Variants in GFRA2 observed in about 807,000 individuals in gnomAD.
GFRA2 encodes GDNF family receptor alpha 2.
Under a neutral mutation model 48.3 loss-of-function variants are expected in GFRA2, and 17 were observed. The ratio of observed to expected loss-of-function variants is 0.35; its 90% CI spans 0.24 to 0.53. The LOEUF (loss-of-function observed/expected upper bound fraction) is 0.53, where lower values mean the gene tolerates loss of function less well. Ranked by LOEUF, GFRA2 falls within the 20% of genes least tolerant of loss-of-function variation. The probability of loss-of-function intolerance (pLI) is 0.93; values close to 1 mark genes in which losing one functional copy is unlikely to be tolerated. For missense variants in GFRA2, 660 were observed against 637.3 expected (o/e 1.04, Z -0.38); for synonymous variants, 305 against 257.2 (o/e 1.19, Z -1.78).
chr8:21,737,379 A>AT (rs940310327), intron 4 of GFRA2, among the ~76,000 whole-genome samples: 2 of 151,330 alleles, frequency 1.3e-5, no homozygotes, highest in Non-Finnish European at 2.9e-5. Flanking sequence ...AAAAAAAAAA[A>AT]GGGGTGGTGT....
At chr8:21,803,757 C>T (rs1323645865) in intron 2 of GFRA2, among the ~76,000 whole-genome samples, 1 of 152,180 alleles carries the variant, frequency 6.6e-6, no homozygotes, top group African/African-American at 2.4e-5. Flanking sequence ...TTCAGCCTCC[C>T]AAGTAGCTGG....
At chr8:21,791,690 T>A (rs934524201), upstream of GFRA2, among the ~76,000 whole-genome samples, 10 of 152,268 alleles carry the variant, frequency 6.6e-5, no homozygotes, top group East Asian at 1.9e-3. Flanking sequence ...AGAAATTACA[T>A]AAGATACTAC....
At chr8:21,769,678 C>T (rs2117685877) in intron 3 of GFRA2, among the ~76,000 whole-genome samples, 1 of 151,824 alleles carries the variant, frequency 6.6e-6, no homozygotes, top group South Asian at 2.1e-4. Flanking sequence ...CACACACACG[C>T]AGAGGGTGAT....
chr8:21,750,859 T>C lies in GFRA2; in HGVS notation c.523A>G (p.Lys175Glu). 1.2e-6 allele frequency: 2 copies of C among 1,613,802 alleles called. No individual in the cohort carries two copies. The highest frequency in any genetic ancestry group is 1.7e-6 in the Non-Finnish European group (2 of 1,179,850). ...GAGATGTAGGAGGAGCGCAGCTTCT[T>C]GCAGTTGTCATTCAGGTTGCAGGCC... Reference protein sequence around the residue: ...AKACNLNDNCKKLRSSYISIC... With the variant: ...AKACNLNDNCEKLRSSYISIC... Residue 175 changes from lysine to glutamate, a missense_variant, in exon 4 of 9, where the codon AAG becomes GAG. By Grantham distance (56) the Lys-to-Glu change is moderately conservative (BLOSUM62 1). Transcript: ENST00000524240. The surrounding 1 kb of genome is among the most constrained non-coding windows in gnomAD (Gnocchi z 5.7).
chr8:21,806,496 G>C (rs780525660), intron 1 of GFRA2, among the ~76,000 whole-genome samples: 22 of 152,156 alleles, frequency 1.4e-4, no homozygotes, highest in Non-Finnish European at 3.2e-4. Flanking sequence ...ATAGTGTCTT[G>C]CTCTTGTCAC....
intron 1 of GFRA2, among the ~76,000 whole-genome samples, chr8:21,810,704 G>A (rs192458237): frequency 1.3e-5 from 2 of 152,284 alleles, no homozygotes; most frequent in Admixed American, 1.3e-4. Flanking sequence ...CAGGTACAGA[G>A]CCTGAATTCT....
intron 1 of GFRA2, among the ~76,000 whole-genome samples, chr8:21,784,911 GC>G (rs1160234377): frequency 2.6e-5 from 4 of 152,110 alleles, no homozygotes; most frequent in South Asian, 4.1e-4. Flanking sequence ...GTACAGCCGG[GC>G]CCCCCAAGAG....
At position 21,774,747 on chromosome 8, in the gene GFRA2, G is replaced by A. The variant is rs1806610388; in HGVS notation, c.439+225C>T. Among the ~76,000 whole-genome samples, 9 of 152,300 alleles carry A rather than the reference G, an allele frequency of 5.9e-5. No homozygotes were observed. In the South Asian group the frequency reaches 1.9e-3, roughly 32 times the overall value. The stretch of plus-strand genomic sequence containing the variant: ...AAGCCCTACTCCATGACAGCCACCT[G>A]GCCAGGCAATTTCCACCAACGCCTT... On this transcript the variant is annotated intron_variant, in intron 3 of 8. Coordinates refer to ENST00000524240, the MANE Select transcript of GFRA2 (RefSeq NM_001495.5).
At chr8:21,786,181 C>T (rs928460676) in intron 1 of GFRA2, among the ~76,000 whole-genome samples, 1 of 152,204 alleles carries the variant, frequency 6.6e-6, no homozygotes, top group African/African-American at 2.4e-5. Flanking sequence ...GGTTGGGCCT[C>T]TCTGGTCATC....
chr8:21,698,510 G>C (rs560888240), intron 7 of GFRA2, among the ~76,000 whole-genome samples: 1 of 152,134 alleles, frequency 6.6e-6, no homozygotes, highest in African/African-American at 2.4e-5. Flanking sequence ...CCAGGCGCTA[G>C]TCTAGTGTTG....
At chr8:21,770,295 G>A (rs937139220) in intron 3 of GFRA2, among the ~76,000 whole-genome samples, 7 of 152,228 alleles carry the variant, frequency 4.6e-5, no homozygotes, top group Non-Finnish European at 7.3e-5. Flanking sequence ...CAGTCCATAC[G>A]AATGTTTTAA....
chr8:21,707,521 G>A (rs577675256), intron 4 of GFRA2, among the ~76,000 whole-genome samples: 7 of 152,106 alleles, frequency 4.6e-5, no homozygotes, highest in Non-Finnish European at 2.9e-5. Flanking sequence ...GGAGGCCCCC[G>A]CGATCCTGAG....
chr8:21,694,157 T>C (rs1295414397), intron 8 of GFRA2, among the ~76,000 whole-genome samples: 2 of 148,996 alleles, frequency 1.3e-5, no homozygotes, highest in East Asian at 2.0e-4. Context: ...GCCTCCTAAA[T>C]ATCACAGCAA....
At chr8:21,739,412 A>G (rs552359655) in intron 4 of GFRA2, among the ~76,000 whole-genome samples, 1 of 152,196 alleles carries the variant, frequency 6.6e-6, no homozygotes, top group Non-Finnish European at 1.5e-5. Flanking sequence ...AAGATCACAG[A>G]GTTAGTTATC....
intron 4 of GFRA2, among the ~76,000 whole-genome samples, chr8:21,739,661 C>G (rs12155871): frequency 5.7e-4 from 87 of 152,176 alleles, no homozygotes; most frequent in African/African-American, 1.6e-3. Context: ...CTGCCTCCCC[C>G]CTGGGGATGC....
chr8:21,779,653 G>A (rs1300050296), intron 2 of GFRA2: 1 of 152,232 alleles, frequency 6.6e-6, no homozygotes, highest in Non-Finnish European at 1.5e-5. Flanking sequence ...GTACCCTCAG[G>A]ACAGTATTCC....
At position 21,704,990 on chromosome 8, in the gene GFRA2, C is replaced by A. The variant is rs1016996180; in HGVS notation, c.1040G>T (p.Cys347Phe). 1.2e-6 allele frequency: 2 copies of A among 1,609,834 alleles called. No homozygotes were observed. The highest frequency in any genetic ancestry group is 1.7e-6 in the Non-Finnish European group (2 of 1,178,472). Reference sequence around the variant, plus strand: ...GGAGAACATCCAGAACTTACGGAGGCATGGGTTCTCGGTGAAGTCCCTGAG... The same window carrying A: ...GGAGAACATCCAGAACTTACGGAGGAATGGGTTCTCGGTGAAGTCCCTGAG... ...KFLRDFTENPCLRNAIQAFGN... is the reference protein window; with the variant it reads ...KFLRDFTENPFLRNAIQAFGN... Residue 347 changes from cysteine to phenylalanine, a missense_variant, in exon 6 of 9, where the codon TGC becomes TTC. Transcript: ENST00000524240.
chr8:21,738,159 C>CCCTGTT (rs1804568438), intron 4 of GFRA2, among the ~76,000 whole-genome samples: 1 of 58,808 alleles, frequency 1.7e-5, no homozygotes, highest in African/African-American at 1.7e-4. Context: ...ATCCCCCTCC[C>CCCTGTT]CCTCCTCATC....
At chr8:21,705,153 G>C (rs1018276443) in intron 5 of GFRA2, 28 bp from the exon 6 acceptor site, 1 of 1,595,890 alleles carries the variant, frequency 6.3e-7, no homozygotes, top group Non-Finnish European at 8.5e-7. Context: ...TGGGGGAGAG[G>C]AGAGAGGTAC....
Sources: gnomAD v4.1 joint callset for allele counts (sites outside exome capture counted in the v4.1 genomes callset) on GRCh38, gnomAD v4.1.1 for gene constraint, Gnocchi (gnomAD v3.1) non-coding constraint, MANE v1.5 for transcripts, NCBI Gene and HGNC (gene_info 2026-07-23, HGNC 2026-07-21) for gene names.